Variants in LSP1 observed in about 807,000 individuals in gnomAD.
The protein encoded by LSP1 is lymphocyte specific protein 1.
Under a neutral mutation model 49.3 loss-of-function variants are expected in LSP1, and 32 were observed. That is an observed-to-expected ratio of 0.65 (90% CI 0.49 to 0.87). The LOEUF (loss-of-function observed/expected upper bound fraction) is 0.87. Among genes scored for constraint, LSP1 ranks in the 40% least tolerant of loss-of-function variants. The pLI, the probability that LSP1 is intolerant of heterozygous loss-of-function variation, is 0.00. For missense variants in LSP1, 428 were observed against 442.6 expected, an observed-to-expected ratio of 0.97 and a Z score of 0.30; for synonymous variants, 179 against 178.8, an observed-to-expected ratio of 1.00 and a Z score of -0.01.
intron 1 of LSP1, chr11:1,870,543 G>A: frequency 2.6e-6 from 3 of 1,167,974 alleles, no homozygotes; most frequent in Non-Finnish European, 1.1e-6. Context: ...GTCAGGAAGA[G>A]GGCCTGGCTG....
intron 1 of LSP1, among the ~76,000 whole-genome samples, chr11:1,873,837 G>GGGGGAGGCCGGCAGAGC (rs1848153567): frequency 8.7e-6 from 1 of 115,398 alleles, no homozygotes; most frequent in Non-Finnish European, 1.9e-5. Context: ...GCCGGCAGAG[G>GGGGGAGGCCGGCAGAGC]AGGGAGGCCG....
At chr11:1,869,058 G>A (rs1847887197) in intron 1 of LSP1, 2 of 969,922 alleles carry the variant, frequency 2.1e-6, no homozygotes, top group Non-Finnish European at 2.5e-6. Flanking sequence ...GGAGCTTGTG[G>A]GAGAGAAGCC....
At chr11:1,878,369 G>T (rs1374833280) in intron 1 of LSP1, among the ~76,000 whole-genome samples, 1 of 152,234 alleles carries the variant, frequency 6.6e-6, no homozygotes, top group African/African-American at 2.4e-5. Context: ...GGGAAGCTGG[G>T]CCTCATCTGC....
Position 1,889,069 on chromosome 11 carries a change from G to A in LSP1, c.*13+1493G>A, listed in dbSNP as rs1589834812. The A allele has an allele frequency of 5.2e-6, 3 of 577,184 alleles. No individual in the cohort carries two copies. In the East Asian group the frequency reaches 9.2e-5, roughly 18 times the overall value. 35.8% of individuals were successfully genotyped at this position (577,184 alleles called of 1,614,324 possible). On this transcript the variant is annotated intron_variant, in intron 10 of 10. Transcript: ENST00000311604. ...TGGTGCATCTTCATGCAGCAACTAT[G>A]GGCCCCCAGCTAGAGCCTCAGCCCC...
At chr11:1,874,658 G>A (rs1456121573) in intron 1 of LSP1, among the ~76,000 whole-genome samples, 2 of 152,148 alleles carry the variant, frequency 1.3e-5, no homozygotes, top group Non-Finnish European at 2.9e-5. Context: ...GGGAGGCGCC[G>A]GGAGGGGCCT....
intron 1 of LSP1, among the ~76,000 whole-genome samples, chr11:1,877,880 TG>T (rs1033174129): frequency 2.0e-5 from 3 of 151,108 alleles, no homozygotes; most frequent in African/African-American, 7.3e-5. Context: ...GTGAGCAGAG[TG>T]AGGGCCTTTG....
intron 1 of LSP1, chr11:1,866,327 G>A (rs1439327035): frequency 1.4e-6 from 1 of 705,594 alleles, no homozygotes; most frequent in Non-Finnish European, 2.2e-6. Flanking sequence ...GCCCACCCAG[G>A]CCAGGCACTC....
At chr11:1,867,409 C>T (rs540409289) in intron 1 of LSP1, among the ~76,000 whole-genome samples, 27 of 151,496 alleles carry the variant, frequency 1.8e-4, no homozygotes, top group African/African-American at 6.6e-4. Flanking sequence ...CTCACCACCA[C>T]TGCCATGATC....
At chr11:1,870,051 G>A in intron 1 of LSP1, 2 of 425,636 alleles carry the variant, frequency 4.7e-6, no homozygotes, top group South Asian at 3.4e-5. Context: ...TCTGTAATGG[G>A]GATGATAGGA....
At chr11:1,860,763 T>C (rs1000366717) in intron 1 of LSP1, among the ~76,000 whole-genome samples, 1 of 152,108 alleles carries the variant, frequency 6.6e-6, no homozygotes, top group African/African-American at 2.4e-5. Context: ...GATGAGTGGA[T>C]TTATGGATGA....
At chr11:1,887,718 A>G (rs1848816371) in intron 10 of LSP1, 142 bp downstream of exon 10, 2 of 615,266 alleles carry the variant, frequency 3.3e-6, no homozygotes, top group Admixed American at 2.8e-5. Flanking sequence ...AGACCAGCTC[A>G]GTCTCCCAGT....
At chr11:1,859,010 T>A (rs1458399575) in intron 1 of LSP1, among the ~76,000 whole-genome samples, 1 of 152,132 alleles carries the variant, frequency 6.6e-6, no homozygotes, top group East Asian at 1.9e-4. Context: ...GAAGGGAGTT[T>A]GTGGCAGGGA....
intron 2 of LSP1, 77 bp downstream of exon 2, chr11:1,880,301 A>C (rs1848485985): frequency 1.4e-6 from 2 of 1,435,684 alleles, no homozygotes; most frequent in African/African-American, 1.5e-5. Flanking sequence ...GGGGGAGGTC[A>C]AGGGCCTGGG....
At chr11:1,888,005 G>A (rs886401337) in intron 10 of LSP1, among the ~76,000 whole-genome samples, 3 of 152,172 alleles carry the variant, frequency 2.0e-5, no homozygotes, top group African/African-American at 7.2e-5. Context: ...CCTACTCCCT[G>A]TCCCAGCCGA....
At chr11:1,869,284 T>G (rs1847895912) in intron 1 of LSP1, 1 of 254,630 alleles carries the variant, frequency 3.9e-6, no homozygotes, top group South Asian at 4.2e-5. Context: ...GGGGCAACCC[T>G]GTGCCTGGGG....
chr11:1,872,937 T>C (rs550359327), intron 1 of LSP1, among the ~76,000 whole-genome samples: 143 of 152,074 alleles, frequency 9.4e-4, no homozygotes, highest in Admixed American at 2.0e-3. Flanking sequence ...GAGGCGACCC[T>C]ATCCCATCCC....
chr11:1,883,037 C>A (rs1222185755), intron 3 of LSP1, among the ~76,000 whole-genome samples: 2 of 152,254 alleles, frequency 1.3e-5, no homozygotes, highest in Non-Finnish European at 2.9e-5. Context: ...GGAGTGGTGG[C>A]CCCAGCAGCC....
rs1046471387 is a variant in LSP1, at chr11:1,887,663, C to A, written c.*13+87C>A. ...TTGGCAACCTGGAGGCTGCCTGGAG[C>A]CCTGTTGCAGGCTACAAGGGTGGAC... On this transcript the variant is annotated intron_variant, in intron 10 of 10. Coordinates refer to ENST00000311604, the MANE Select transcript of LSP1 (RefSeq NM_002339.3). The A allele has an allele frequency of 7.6e-6, 8 of 1,054,260 alleles. No individual in the cohort carries two copies. The African/African-American group carries it at 7.9e-5, about 10-fold the overall frequency. The allele number at this position is 1,054,260 out of a possible 1,614,324, so 65.3% of individuals were successfully genotyped here.
chr11:1,885,436 T>C (rs1489091085), intron 7 of LSP1, among the ~76,000 whole-genome samples: 1 of 151,722 alleles, frequency 6.6e-6, no homozygotes, highest in Non-Finnish European at 1.5e-5. Context: ...CATTCAGTGC[T>C]CCTCCATTCA....
Sources: allele counts gnomAD v4.1 joint callset (sites outside exome capture counted in the v4.1 genomes callset), GRCh38; gene constraint gnomAD v4.1.1; transcripts MANE v1.5; gene names NCBI Gene and HGNC (gene_info 2026-07-23, HGNC 2026-07-21).